The following ELP2 variants were observed in gnomAD, a reference collection of about 807,000 sequenced individuals.
ELP2 encodes the protein elongator complex protein 2.
A neutral mutation model predicts 119.2 loss-of-function variants in ELP2; 90 were observed. The observed-to-expected ratio is 0.75, with a 90% CI of 0.64 to 0.90. The LOEUF is 0.90. ELP2 is among the 40% of genes least tolerant of loss of function. The pLI, the probability that ELP2 is intolerant of heterozygous loss-of-function variation, is 0.00. For missense variants in ELP2, 921 were observed against 967.8 expected (o/e 0.95, Z 0.64); for synonymous variants, 339 against 331.0 (o/e 1.02, Z -0.26).
chr18:36,160,035 G>C lies in ELP2; in HGVS notation c.1688+20G>C. ...AAAACTGTAAGTTAAACTGTATTTA[G>C]CTCTTTGGTCTGATTCTGTCGTAAC... On this transcript the variant is annotated intron_variant, in intron 16 of 21. Transcript: ENST00000358232. 1 of 1,612,286 alleles carries C rather than the reference G, an allele frequency of 6.2e-7. No individual in the cohort carries two copies. Among genetic ancestry groups the C allele is most frequent in the Non-Finnish European group, 8.5e-7 (1 of 1,179,184 alleles).
At chr18:36,157,184 C>A (rs900772532) in intron 13 of ELP2, among the ~76,000 whole-genome samples, 1 of 151,976 alleles carries the variant, frequency 6.6e-6, no homozygotes, top group Admixed American at 6.6e-5. Context: ...TATGTTTATA[C>A]GCCCTTCTAA....
intron 11 of ELP2, 41 bp from the exon 12 acceptor site, chr18:36,154,808 CT>C: frequency 6.2e-7 from 1 of 1,612,086 alleles, no homozygotes. Flanking sequence ...TGGTGGTAGT[CT>C]TTGAGTATTT....
chr18:36,143,421 C>CTTTTTTT (rs67196641), intron 8 of ELP2, among the ~76,000 whole-genome samples: 1 of 98,022 alleles, frequency 1.0e-5, no homozygotes, highest in African/African-American at 3.9e-5. Context: ...CGTGCCTGGC[C>CTTTTTTT]TTTTTTTTTT....
rs899227272 is a variant in ELP2, at chr18:36,177,732, A to C, written c.*3091A>C. On this transcript the variant is annotated 3_prime_UTR_variant, in exon 22 of 22. Coordinates refer to ENST00000358232, the MANE Select transcript of ELP2 (RefSeq NM_018255.4). ...TCGGTACTAAAAAAAAAGTGCTCCA[A>C]AGTAAGATATATTTGGGAAACACAG... 6.6e-6 allele frequency: 1 copy of C among 152,186 alleles called. No homozygotes were observed. The highest frequency in any genetic ancestry group is 1.5e-5 in the Non-Finnish European group (1 of 68,028). The allele number at this position is 152,186 out of a possible 1,614,324, so 9.4% of individuals were successfully genotyped here. A position where few individuals can be genotyped will look rare whatever the true frequency, so the allele number is the denominator to read the frequency against.
Position 36,142,983 on chromosome 18 carries a change from A to G in ELP2, c.796+17A>G. ...AAAATGAAAGTGAGTAATAATGAAA[A>G]TATCCAATATAACGATACTTAGGTC... On this transcript the variant is annotated intron_variant, in intron 8 of 21. Transcript: ENST00000358232. The G allele has an allele frequency of 6.4e-7, 1 of 1,551,500 alleles. No individual in the cohort carries two copies. Among genetic ancestry groups the G allele is most frequent in the South Asian group, 1.1e-5 (1 of 87,436 alleles).
At chr18:36,153,619 C>T (rs541061894) in intron 11 of ELP2, among the ~76,000 whole-genome samples, 5 of 152,320 alleles carry the variant, frequency 3.3e-5, no homozygotes, top group East Asian at 3.9e-4. Context: ...CCAGCAGTCA[C>T]AGTCCAGGCC....
intron 3 of ELP2, 130 bp downstream of exon 3, chr18:36,136,507 A>G (rs2089831541): frequency 2.6e-6 from 2 of 766,942 alleles, no homozygotes; most frequent in Non-Finnish European, 4.8e-6. Context: ...CCTCCTAAGT[A>G]GCTGGGACTA....
At position 36,175,727 on chromosome 18, in the gene ELP2, G is replaced by C. The variant is rs1324649978; in HGVS notation, c.*1086G>C. ...GTTGGGAGCCTGGGTGCTGGGTGGA[G>C]AGAGGTTAACAGGGAAGACATGGGA... is the stretch of plus-strand genomic sequence containing the variant. On this transcript the variant is annotated 3_prime_UTR_variant, in exon 22 of 22. Coordinates refer to ENST00000358232, the MANE Select transcript of ELP2 (RefSeq NM_018255.4). 1 of 152,442 alleles carries C rather than the reference G, an allele frequency of 6.6e-6. No individual in the cohort carries two copies. The highest frequency in any genetic ancestry group is 1.5e-5 in the Non-Finnish European group (1 of 68,178). 9.4% of individuals were successfully genotyped at this position (152,442 alleles called of 1,614,324 possible).
At chr18:36,155,653 C>T (rs769327257) in intron 12 of ELP2, among the ~76,000 whole-genome samples, 2 of 152,146 alleles carry the variant, frequency 1.3e-5, no homozygotes, top group Non-Finnish European at 2.9e-5. Flanking sequence ...ATCCTCCTGC[C>T]TCAGCCTCCC....
At chr18:36,138,181 C>A (rs937641885) in intron 3 of ELP2, 89 bp from the exon 4 acceptor site, 9 of 1,411,746 alleles carry the variant, frequency 6.4e-6, no homozygotes, top group Admixed American at 1.8e-5. Context: ...ATTTCTGGCT[C>A]AGCCATTTTA....
intron 1 of ELP2, among the ~76,000 whole-genome samples, chr18:36,131,930 CTTTTTTTTTTTT>C (rs5823996): frequency 1.3e-5 from 1 of 79,872 alleles, no homozygotes; most frequent in Non-Finnish European, 2.2e-5. Flanking sequence ...GCTGGTCGGG[CTTTTTTTTTTTT>C]TTTTTTTTTT....
At chr18:36,169,802 A>AC (rs2091023236) in intron 19 of ELP2, 1 of 502,230 alleles carries the variant, frequency 2.0e-6, no homozygotes, top group East Asian at 3.8e-5. Context: ...GGCATGTTAG[A>AC]CACCTCTCTG....
intron 8 of ELP2, among the ~76,000 whole-genome samples, chr18:36,143,676 T>C (rs917836092): frequency 6.6e-6 from 1 of 152,188 alleles, no homozygotes; most frequent in Non-Finnish European, 1.5e-5. Flanking sequence ...GGATTACAGG[T>C]GTGGGCCACC....
intron 11 of ELP2, among the ~76,000 whole-genome samples, chr18:36,150,463 T>C (rs1339194689): frequency 6.6e-6 from 1 of 152,208 alleles, no homozygotes; most frequent in Non-Finnish European, 1.5e-5. Flanking sequence ...GGAGACAGTA[T>C]GGGTGTTTCA....
chr18:36,138,151 C>A (rs748742569), intron 3 of ELP2, 119 bp from the exon 4 acceptor site: 4 of 967,968 alleles, frequency 4.1e-6, no homozygotes, highest in Non-Finnish European at 6.2e-6. Flanking sequence ...TTGAAAAATT[C>A]TTTTCAACTT....
Position 36,154,973 on chromosome 18 carries a change from C to T in ELP2, c.1249C>T (p.Pro417Ser), listed in dbSNP as rs372560977. Reference sequence around the variant, plus strand: ...TGATCAGACAACTAGACTTTTTGCTCCATGGAAGAGAAAAGACCAATCACA... The same window carrying T: ...TGATCAGACAACTAGACTTTTTGCTTCATGGAAGAGAAAAGACCAATCACA... ...GTDQTTRLFA[P>S]WKRKDQSQVT... is the part of the protein sequence containing the mutation. Residue 417 changes from proline (P) to serine (S), a missense_variant, in exon 12 of 22, where the codon CCA (proline) becomes TCA (serine). Pro to Ser is a moderately conservative substitution (Grantham distance 74). Transcript: ENST00000358232. The T allele has an allele frequency of 1.2e-5, 19 of 1,613,742 alleles. No individual in the cohort carries two copies. The highest frequency in any genetic ancestry group is 1.6e-5 in the Non-Finnish European group (19 of 1,179,710).
At chr18:36,159,685 A>C in intron 14 of ELP2, 50 bp from the exon 15 acceptor site, 23 of 1,337,404 alleles carry the variant, frequency 1.7e-5, no homozygotes, top group East Asian at 2.3e-5. Context: ...AGACAAGTGA[A>C]GGAGATATAA....
At position 36,160,015 on chromosome 18, in the gene ELP2, TG is replaced by T. The variant is rs771423984; in HGVS notation, c.1688+1del. 3.1e-6 allele frequency: 5 copies of T among 1,613,778 alleles called. No homozygotes were observed. Among genetic ancestry groups the T allele is most frequent in the African/African-American group, 1.3e-5 (1 of 75,046 alleles). ...ACTTTGTGGCCTGAAGTTCAAAAACTGTAAGTTAAACTGTATTTAGCTCTTT... is the reference window on the plus strand; with the variant it reads ...ACTTTGTGGCCTGAAGTTCAAAAACTTAAGTTAAACTGTATTTAGCTCTTT... On this transcript the variant is annotated splice_donor_variant, in intron 16 of 21. Coordinates refer to ENST00000358232, the MANE Select transcript of ELP2 (RefSeq NM_018255.4). LOFTEE classifies it high-confidence loss of function.
chr18:36,140,160 G>A (rs1404206093), intron 5 of ELP2, among the ~76,000 whole-genome samples: 1 of 151,094 alleles, frequency 6.6e-6, no homozygotes, highest in African/African-American at 2.4e-5. Flanking sequence ...GCGTAGCTTT[G>A]TAAATTTTTT....
Sources: gnomAD v4.1 joint callset for allele counts (sites outside exome capture counted in the v4.1 genomes callset) on GRCh38, gnomAD v4.1.1 for gene constraint, MANE v1.5 for transcripts, NCBI Gene and HGNC (gene_info 2026-07-23, HGNC 2026-07-21) for gene names.